The following CD101 variants were observed in gnomAD, a reference collection of about 807,000 sequenced individuals.
CD101 encodes the protein CD101 molecule, also known as immunoglobulin superfamily member 2.
Under a neutral mutation model 98.2 loss-of-function variants are expected in CD101, and 76 were observed. The ratio of observed to expected loss-of-function variants is 0.77; its 90% CI spans 0.64 to 0.94. The LOEUF (loss-of-function observed/expected upper bound fraction) is 0.94. Ranked by LOEUF, CD101 falls within the 40% of genes least tolerant of loss-of-function variation. The pLI, the probability that CD101 is intolerant of heterozygous loss-of-function variation, is 0.00. For synonymous variants in CD101, 471 were observed against 472.7 expected, an observed-to-expected ratio of 1.00 and a Z score of 0.05; for missense variants, 1,145 against 1,218.8, an observed-to-expected ratio of 0.94 and a Z score of 0.90.
rs1332728343 is a variant in CD101, at chr1:117,033,474, ACT to A, written c.2825-384_2825-383del. ...TGTTGGAGGAGCAGCAGTGGGAATA[ACT>A]CAGTTAAAAATTCAGGACTGGCAAC... On this transcript the variant is annotated intron_variant, in intron 8 of 9. Transcript: ENST00000682167. The surrounding 1 kb of genome is among the most constrained non-coding windows in gnomAD (Gnocchi z 4.8). Among the ~76,000 whole-genome samples the A allele has an allele frequency of 6.6e-6, 1 of 152,138 alleles. No individual in the cohort carries two copies. Among genetic ancestry groups the A allele is most frequent in the African/African-American group, 2.4e-5 (1 of 41,420 alleles).
Position 117,007,000 on chromosome 1 carries a change from C to T in CD101, c.44-2850C>T, listed in dbSNP as rs372113966. 2.1e-3 allele frequency among the ~76,000 whole-genome samples: 324 copies of T among 152,212 alleles called. 2 individuals carry two copies. Among genetic ancestry groups the T allele is most frequent in the South Asian group, 0.015 (74 of 4,824 alleles). Reference sequence around the variant, plus strand: ...TTGCTGAAAAGTGATGGGAAACGTTCGAGAAGTGTTGCCTAGCCACCAAAA... The same window carrying T: ...TTGCTGAAAAGTGATGGGAAACGTTTGAGAAGTGTTGCCTAGCCACCAAAA... On this transcript the variant is annotated intron_variant, in intron 1 of 9. Coordinates refer to ENST00000682167, the MANE Select transcript of CD101 (RefSeq NM_001256106.3). The surrounding 1 kb of genome is among the most constrained non-coding windows in gnomAD (Gnocchi z 4.4).
Position 117,017,106 on chromosome 1 carries a change from G to A in CD101, c.1245G>A (p.Met415Ile), listed in dbSNP as rs760929106. The change falls in exon 5 of 10, where the codon ATG becomes ATA. Residue 415 changes from methionine to isoleucine, a missense_variant. Met to Ile is a conservative substitution (Grantham distance 10, BLOSUM62 1). Transcript: ENST00000682167. Reference sequence around the variant, plus strand: ...AACTCACAGCAAGAAGTGTGGTCATGTCTACCAAGAACAAGCAGCAAGTTG... The same window carrying A: ...AACTCACAGCAAGAAGTGTGGTCATATCTACCAAGAACAAGCAGCAAGTTG... Reference protein sequence around the residue: ...LRKPAARSVVMSTKNKQQVVW... With the variant: ...LRKPAARSVVISTKNKQQVVW... 1 of 1,613,886 alleles carries A rather than the reference G, an allele frequency of 6.2e-7. No individual in the cohort carries two copies. Among genetic ancestry groups the A allele is most frequent in the East Asian group, 2.2e-5 (1 of 44,884 alleles).
Position 117,025,894 on chromosome 1 carries a change from G to A in CD101, c.2814G>A (p.Val938=), listed in dbSNP as rs1041352265. The A allele has an allele frequency of 3.1e-6, 5 of 1,607,154 alleles. No homozygotes were observed. The Admixed American group carries it at 5.0e-5, about 16-fold the overall frequency. Residue 938 remains valine (V), a synonymous_variant, in exon 8 of 10, where the codon GTG becomes GTA. Coordinates refer to ENST00000682167, the MANE Select transcript of CD101 (RefSeq NM_001256106.3). ...SDESQRMVLT[V]LPSEPTLPSR... ...AGTCACAGCGGATGGTGCTCACGGT[G>A]CTGCCTTCAGGTAACCAGGGGTTTA... is the stretch of plus-strand genomic sequence containing the variant.
chr1:117,012,761 C>G lies in CD101; in HGVS notation c.842-645C>G, dbSNP rs896429814. On this transcript the variant is annotated intron_variant, in intron 3 of 9. Transcript: ENST00000682167. The surrounding 1 kb of genome is among the most constrained non-coding windows in gnomAD (Gnocchi z 4.0). The stretch of plus-strand genomic sequence containing the variant: ...TTTTTGTCAAAGCAAGTATAAAGGC[C>G]TTGTCTGTGATTCCTGGTCTCTATA... Among the ~76,000 whole-genome samples the G allele has an allele frequency of 2.6e-5, 4 of 152,136 alleles. No individual in the cohort carries two copies. Among genetic ancestry groups the G allele is most frequent in the African/African-American group, 9.7e-5 (4 of 41,412 alleles).
chr1:117,028,788 T>G (rs1187793009), intron 8 of CD101, among the ~76,000 whole-genome samples: 1 of 152,084 alleles, frequency 6.6e-6, no homozygotes, highest in East Asian at 1.9e-4. Flanking sequence ...TCCATTGGAT[T>G]TGACATTATG....
chr1:117,008,011 A>T lies in CD101; in HGVS notation c.44-1839A>T, dbSNP rs185312879. The stretch of plus-strand genomic sequence containing the variant: ...CATTTCTCTAAGACGACATTACTGA[A>T]AAGTGTCTTAAACTGCCACTGTAGT... On this transcript the variant is annotated intron_variant, in intron 1 of 9. Coordinates refer to ENST00000682167, the MANE Select transcript of CD101 (RefSeq NM_001256106.3). Among the ~76,000 whole-genome samples the T allele has an allele frequency of 2.4e-4, 36 of 152,330 alleles. No homozygotes were observed. In the East Asian group the frequency reaches 6.6e-3, roughly 28 times the overall value.
rs1391104621 is a variant in CD101, at chr1:117,021,643, A to G, written c.2088A>G (p.Glu696=). 6.2e-7 allele frequency: 1 copy of G among 1,613,974 alleles called. No individual in the cohort carries two copies. Among genetic ancestry groups the G allele is most frequent in the Admixed American group, 1.7e-5 (1 of 59,996 alleles). The part of the protein sequence containing the change: ...ELSINSNTDI[E]CSILSRSNGN... ...CCATCAACTCCAACACTGATATAGA[A>G]TGTAGCATCTTGTCCCGGTCCAATG... is the stretch of plus-strand genomic sequence containing the variant. The change falls in exon 7 of 10, where the codon GAA becomes GAG. Residue 696 remains glutamate, a synonymous_variant. Transcript: ENST00000682167. This position sits in a 1 kb window ranked among gnomAD's most constrained non-coding sequence, Gnocchi z 4.7.
At chr1:117,034,385 G>C (rs1271058641) in intron 9 of CD101, 2 of 432,530 alleles carry the variant, frequency 4.6e-6, no homozygotes, top group Non-Finnish European at 8.6e-6. Flanking sequence ...AAGGAGATAA[G>C]AGGCTCCCTC....
intron 8 of CD101, chr1:117,032,104 C>A (rs747405916): frequency 2.6e-5 from 4 of 152,184 alleles, no homozygotes; most frequent in African/African-American, 9.7e-5. Context: ...CTAACTTTAT[C>A]ATTGCTCACC....
At chr1:117,013,822 G>A (rs199995105) in intron 4 of CD101, 30 bp downstream of exon 4, 65 of 1,575,618 alleles carry the variant, frequency 4.1e-5, no homozygotes, top group Non-Finnish European at 5.3e-5. Flanking sequence ...GGCATGCATT[G>A]GGCTGCTTTC....
At position 117,025,534 on chromosome 1, in the gene CD101, G is replaced by C; in HGVS notation, c.2454G>C (p.Val818=). The C allele has an allele frequency of 6.3e-7, 1 of 1,592,962 alleles. No homozygotes were observed. The highest frequency in any genetic ancestry group is 8.5e-7 in the Non-Finnish European group (1 of 1,169,618). ...GAAGTAAGGTACGTGTCTCCAAAGT[G>C]TACTGGACCGAAAATGTGACTGAGC... ...PTGSKVRVSK[V]YWTENVTEHR... Residue 818 remains valine (V), a synonymous_variant, in exon 8 of 10, where the codon GTG becomes GTC. Coordinates refer to ENST00000682167, the MANE Select transcript of CD101 (RefSeq NM_001256106.3).
At position 117,017,304 on chromosome 1, in the gene CD101, T is replaced by A. The variant is rs1289261238; in HGVS notation, c.1443T>A (p.His481Gln). 1 of 1,614,218 alleles carries A rather than the reference T, an allele frequency of 6.2e-7. No individual in the cohort carries two copies. Among genetic ancestry groups the A allele is most frequent in the Admixed American group, 1.7e-5 (1 of 60,030 alleles). Residue 481 changes from histidine to glutamine, a missense_variant, in exon 5 of 10, where the codon CAT becomes CAA. Physicochemically the swap from His to Gln is conservative, Grantham distance 24. Coordinates refer to ENST00000682167, the MANE Select transcript of CD101 (RefSeq NM_001256106.3). ...CCTCCTATGGGGTACCCAGTTACCATGGCAACACAAGGCTGGAGAAAATGG... is the reference window on the plus strand; with the variant it reads ...CCTCCTATGGGGTACCCAGTTACCAAGGCAACACAAGGCTGGAGAAAATGG... ...LGASYGVPSY[H>Q]GNTRLEKMDW...
rs569368382 is a variant in CD101 at position 117,019,944 on chromosome 1, C to T, written c.2017+1384C>T. ...ATCATCTGGTACATTTGTGTCTTTC[C>T]AGCATCATCTCCTTCAACTTTCCAT... On this transcript the variant is annotated intron_variant, in intron 6 of 9. Transcript: ENST00000682167. The surrounding 1 kb of genome is among the most constrained non-coding windows in gnomAD (Gnocchi z 4.3). Among the ~76,000 whole-genome samples the T allele has an allele frequency of 6.6e-6, 1 of 152,128 alleles. No individual in the cohort carries two copies. Among genetic ancestry groups the T allele is most frequent in the African/African-American group, 2.4e-5 (1 of 41,406 alleles).
In CD101 at chr1:117,004,886, C is replaced by A. The variant is rs1312081792; in HGVS notation, c.43+3026C>A. Among the ~76,000 whole-genome samples the A allele has an allele frequency of 6.6e-6, 1 of 151,760 alleles. No individual in the cohort carries two copies. Among genetic ancestry groups the A allele is most frequent in the Non-Finnish European group, 1.5e-5 (1 of 67,948 alleles). On this transcript the variant is annotated intron_variant, in intron 1 of 9. Coordinates refer to ENST00000682167, the MANE Select transcript of CD101 (RefSeq NM_001256106.3). The surrounding 1 kb of genome is among the most constrained non-coding windows in gnomAD (Gnocchi z 4.1). The stretch of plus-strand genomic sequence containing the variant: ...AACTGGGGCGGGTGGGGGAGGGGGG[C>A]TTATAAACAACAGAAATTTAGTTTT...
chr1:117,021,503 C>A lies in CD101; in HGVS notation c.2018-70C>A. Reference sequence around the variant, plus strand: ...CGGGAGGATGCAGTGTCATACTTGACCTCTAATGTCTCTACTACCTTAACT... The same window carrying A: ...CGGGAGGATGCAGTGTCATACTTGAACTCTAATGTCTCTACTACCTTAACT... On this transcript the variant is annotated intron_variant, in intron 6 of 9. Coordinates refer to ENST00000682167, the MANE Select transcript of CD101 (RefSeq NM_001256106.3). This position sits in a 1 kb window ranked among gnomAD's most constrained non-coding sequence, Gnocchi z 4.7. The A allele has an allele frequency of 1.5e-6, 2 of 1,329,302 alleles. No homozygotes were observed. The highest frequency in any genetic ancestry group is 2.0e-6 in the Non-Finnish European group (2 of 987,602). The allele number at this position is 1,329,302 out of a possible 1,614,324, so 82.3% of individuals were successfully genotyped here. A position where few individuals can be genotyped will look rare whatever the true frequency, so the allele number is the denominator to read the frequency against.
At position 117,029,195 on chromosome 1, in the gene CD101, GAAA is replaced by G. The variant is rs1557778816; in HGVS notation, c.2824+3292_2824+3294del. Among the ~76,000 whole-genome samples the G allele has an allele frequency of 2.7e-4, 21 of 76,884 alleles. No homozygotes were observed. The East Asian group carries it at 6.4e-3, about 23-fold the overall frequency. The allele number at this position is 76,884 out of a possible 152,430, so 50.4% of individuals were successfully genotyped here. A position where few individuals can be genotyped will look rare whatever the true frequency, so the allele number is the denominator to read the frequency against. ...AGAAAGAAAGAAAGAAAGAAAGAAA[GAAA>G]GAAAGAAAAGAAAGAAAAGAAAGAA... On this transcript the variant is annotated intron_variant, in intron 8 of 9. Transcript: ENST00000682167.
chr1:117,035,931 G>GAA (rs1368193398), intron 9 of CD101, among the ~76,000 whole-genome samples: 1 of 152,104 alleles, frequency 6.6e-6, no homozygotes, highest in African/African-American at 2.4e-5. Flanking sequence ...AAAGAGAGCA[G>GAA]AAGTGAGCCT....
At chr1:117,011,085 G>A (rs1439574232) in intron 2 of CD101, among the ~76,000 whole-genome samples, 1 of 152,098 alleles carries the variant, frequency 6.6e-6, no homozygotes, top group African/African-American at 2.4e-5. Context: ...ATTGCATTTG[G>A]GCTCTAAATG....
At position 117,021,907 on chromosome 1, in the gene CD101, C is replaced by G. The variant is rs753111021; in HGVS notation, c.2352C>G (p.Leu784=). Residue 784 remains leucine, a synonymous_variant, in exon 7 of 10, where the codon CTC becomes CTG. Transcript: ENST00000682167. This position sits in a 1 kb window ranked among gnomAD's most constrained non-coding sequence, Gnocchi z 4.7. ...GKYHCAVEEW[L]LSTNGTWHKL... is the part of the protein sequence containing the mutation. ...ATCACTGTGCTGTGGAGGAATGGCT[C>G]CTGTCTACAAATGGCACTTGGCACA... is the stretch of plus-strand genomic sequence containing the variant. 1.4e-5 allele frequency: 22 copies of G among 1,613,940 alleles called. No individual in the cohort carries two copies. In the Admixed American group the frequency reaches 3.5e-4, roughly 26 times the overall value.
Sources: allele counts gnomAD v4.1 joint callset (sites outside exome capture counted in the v4.1 genomes callset), GRCh38; gene constraint gnomAD v4.1.1; non-coding constraint Gnocchi (gnomAD v3.1); transcripts MANE v1.5; gene names NCBI Gene and HGNC (gene_info 2026-07-23, HGNC 2026-07-21).